CELF2: variants seen among roughly 807,000 people sequenced by gnomAD.
The protein encoded by CELF2 is CUG triplet repeat RNA-binding protein 2.
Under a neutral mutation model 62.6 loss-of-function variants are expected in CELF2, and 8 were observed. The ratio of observed to expected loss-of-function variants is 0.13; its 90% CI spans 0.07 to 0.23. The LOEUF is 0.23. Among genes scored for constraint, CELF2 ranks in the 10% least tolerant of loss-of-function variants. CELF2 has a pLI of 1.00. For synonymous variants in CELF2, 258 were observed against 250.0 expected (o/e 1.03, Z -0.30); for missense variants, 333 against 671.0 (o/e 0.50, Z 5.56).
At chr10:10,608,531 T>C in the CELF2 span, among the ~76,000 whole-genome samples, 210 of 152,340 alleles carry the variant, frequency 1.4e-3, 1 homozygote, top group African/African-American at 4.8e-3. Context: ...GGGAGCCAGA[T>C]TATTTTATCA....
intron 1 of CELF2, among the ~76,000 whole-genome samples, chr10:10,861,881 A>G (rs765249971): frequency 2.6e-5 from 4 of 152,220 alleles, no homozygotes; most frequent in Non-Finnish European, 5.9e-5. Flanking sequence ...TAACCATTAT[A>G]TAATTAGAAA....
chr10:11,129,787 GAGGTCT>G (rs1751174841), intron 1 of CELF2, among the ~76,000 whole-genome samples: 1 of 152,122 alleles, frequency 6.6e-6, no homozygotes, highest in African/African-American at 2.4e-5. Flanking sequence ...AGTCTTGCTA[GAGGTCT>G]ACCAATTTTG....
At chr10:10,833,974 A>G (rs2058076415) in intron 1 of CELF2, among the ~76,000 whole-genome samples, 1 of 152,226 alleles carries the variant, frequency 6.6e-6, no homozygotes, top group South Asian at 2.1e-4. Context: ...ATATACCCAA[A>G]AGAATATAAA....
At chr10:10,465,212 T>C in the CELF2 span, among the ~76,000 whole-genome samples, 1 of 152,188 alleles carries the variant, frequency 6.6e-6, no homozygotes, top group Non-Finnish European at 1.5e-5. Flanking sequence ...ATTATAAATG[T>C]TCACTGAGGA....
At position 10,931,143 on chromosome 10, in the gene CELF2, T is replaced by C. The variant is rs1592074667; in HGVS notation, c.89+11144T>C. Among the ~76,000 whole-genome samples the C allele has an allele frequency of 6.6e-6, 1 of 152,240 alleles. No homozygotes were observed. Among genetic ancestry groups the C allele is most frequent in the Non-Finnish European group, 1.5e-5 (1 of 68,048 alleles). Reference sequence around the variant, plus strand: ...TTAGGTTTTGTAAATGTTTCTATTATGTATTTTCCTTTTCCTTCTTTCTGG... The same window carrying C: ...TTAGGTTTTGTAAATGTTTCTATTACGTATTTTCCTTTTCCTTCTTTCTGG... On this transcript the variant is annotated intron_variant, in intron 2 of 13. Transcript: ENST00000636488. The surrounding 1 kb of genome is among the most constrained non-coding windows in gnomAD (Gnocchi z 6.1).
At chr10:10,888,686 T>C (rs2061932022) in intron 1 of CELF2, among the ~76,000 whole-genome samples, 1 of 152,180 alleles carries the variant, frequency 6.6e-6, no homozygotes. Context: ...CTCCATGCCT[T>C]CGCCTGATCT....
At chr10:10,900,289 T>C (rs1402855983) in intron 1 of CELF2, among the ~76,000 whole-genome samples, 2 of 152,142 alleles carry the variant, frequency 1.3e-5, no homozygotes, top group Admixed American at 6.5e-5. Flanking sequence ...AAACTAAAGA[T>C]CAGTATCCCT....
chr10:11,074,669 C>T (rs1407379487), intron 1 of CELF2, among the ~76,000 whole-genome samples: 1 of 152,148 alleles, frequency 6.6e-6, no homozygotes, highest in Non-Finnish European at 1.5e-5. Context: ...TGAGCAGAGA[C>T]AGTGTAGGTA....
intron 9 of CELF2, among the ~76,000 whole-genome samples, chr10:11,289,945 A>G (rs1232308661): frequency 6.6e-6 from 1 of 152,174 alleles, no homozygotes; most frequent in Non-Finnish European, 1.5e-5. Context: ...ATTAAAATGT[A>G]TTTTCTTAAG....
rs772454854 is a variant in CELF2, at chr10:11,227,383, C to T, written c.354+9876C>T. 1.1e-4 allele frequency among the ~76,000 whole-genome samples: 16 copies of T among 152,224 alleles called. No individual in the cohort carries two copies. The highest frequency in any genetic ancestry group is 2.2e-4 in the Non-Finnish European group (15 of 68,034). ...ACCAGGCAGCCCACGCCACAGATGG[C>T]ACAGCAGGATGAACACGGCCCCATG... On this transcript the variant is annotated intron_variant, in intron 3 of 12. Coordinates refer to ENST00000633077, the MANE Select transcript of CELF2 (RefSeq NM_001326342.2). The surrounding 1 kb of genome is among the most constrained non-coding windows in gnomAD (Gnocchi z 4.8).
chr10:10,577,603 T>A, the CELF2 span, among the ~76,000 whole-genome samples: 3 of 149,340 alleles, frequency 2.0e-5, no homozygotes, highest in South Asian at 2.2e-4. Flanking sequence ...AGTGAGAACA[T>A]GCGGTGTTTG....
At position 10,833,757 on chromosome 10, in the gene CELF2, A is replaced by G. The variant is rs567959460; in HGVS notation, c.53+34940A>G. Among the ~76,000 whole-genome samples, 3 of 152,326 alleles carry G rather than the reference A, an allele frequency of 2.0e-5. No individual in the cohort carries two copies. In the East Asian group the frequency reaches 5.8e-4, roughly 29 times the overall value. ...TAGAGAAATGCAAATCAAAATCACAATGAGATACCATCTCGCACCAGTCAG... is the reference window on the plus strand; with the variant it reads ...TAGAGAAATGCAAATCAAAATCACAGTGAGATACCATCTCGCACCAGTCAG... On this transcript the variant is annotated intron_variant, in intron 1 of 13. Coordinates refer to the CELF2 transcript ENST00000636488.
the CELF2 span, among the ~76,000 whole-genome samples, chr10:10,675,069 CT>C: frequency 6.6e-6 from 1 of 152,098 alleles, no homozygotes; most frequent in Non-Finnish European, 1.5e-5. Context: ...TTACCTTTTT[CT>C]TTTTTGATGT....
At chr10:11,131,927 TCATAG>T (rs2059689007) in intron 1 of CELF2, among the ~76,000 whole-genome samples, 1 of 152,228 alleles carries the variant, frequency 6.6e-6, no homozygotes, top group Admixed American at 6.5e-5. Flanking sequence ...TAGAGAAAAC[TCATAG>T]CAGTCTTGGA....
At position 11,075,378 on chromosome 10, in the gene CELF2, G is replaced by A. The variant is rs2071547555; in HGVS notation, c.74+57215G>A. 1 of 152,142 alleles carries A rather than the reference G, an allele frequency of 6.6e-6. No homozygotes were observed. Among genetic ancestry groups the A allele is most frequent in the Non-Finnish European group, 1.5e-5 (1 of 68,034 alleles). 9.4% of individuals were successfully genotyped at this position (152,142 alleles called of 1,614,324 possible). ...AAAAGGTTAATGTGAGAACTGCCCA[G>A]TAAAAAGATTATATTCTATTTTACA... is the stretch of plus-strand genomic sequence containing the variant. On this transcript the variant is annotated intron_variant, in intron 1 of 12. Transcript: ENST00000633077. The surrounding 1 kb of genome is among the most constrained non-coding windows in gnomAD (Gnocchi z 5.4).
In CELF2 at chr10:11,242,764, G is replaced by A. The variant is rs1248430000; in HGVS notation, c.355-6389G>A. On this transcript the variant is annotated intron_variant, in intron 3 of 12. Transcript: ENST00000633077. The surrounding 1 kb of genome is among the most constrained non-coding windows in gnomAD (Gnocchi z 4.8). Reference sequence around the variant, plus strand: ...GCCAGCCAGGGTGAGGACCAGGGTGGACCACTCAGCTCTGGGACCCTGTGT... The same window carrying A: ...GCCAGCCAGGGTGAGGACCAGGGTGAACCACTCAGCTCTGGGACCCTGTGT... Among the ~76,000 whole-genome samples, 1 of 152,174 alleles carries A rather than the reference G, an allele frequency of 6.6e-6. No individual in the cohort carries two copies. Among genetic ancestry groups the A allele is most frequent in the East Asian group, 1.9e-4 (1 of 5,194 alleles).
At position 11,314,371 on chromosome 10, in the gene CELF2, A is replaced by G; in HGVS notation, c.1096+113A>G. The G allele has an allele frequency of 7.0e-7, 1 of 1,419,188 alleles. No individual in the cohort carries two copies. The allele number at this position is 1,419,188 out of a possible 1,614,324, so 87.9% of individuals were successfully genotyped here. On this transcript the variant is annotated intron_variant, in intron 10 of 12. Transcript: ENST00000633077. This position sits in a 1 kb window ranked among gnomAD's most constrained non-coding sequence, Gnocchi z 5.3. ...AAAAGGATATGCCACGGGGAGAACT[A>G]AAACTTGGGATGGAGGAGCACATGC...
upstream of CELF2, among the ~76,000 whole-genome samples, chr10:11,017,568 G>GGGCTCTGGGAGCGCGGCTC (rs2057428458): frequency 6.6e-6 from 1 of 152,206 alleles, no homozygotes; most frequent in Non-Finnish European, 1.5e-5. The surrounding 1 kb of genome is among the most constrained non-coding windows in gnomAD (Gnocchi z 5.5). Flanking sequence ...TCCCGCGGCT[G>GGGCTCTGGGAGCGCGGCTC]GGCTCTGGGA....
Position 10,975,380 on chromosome 10 carries a change from C to A in CELF2, c.89+55381C>A, listed in dbSNP as rs561646197. The stretch of plus-strand genomic sequence containing the variant: ...TGATCCTCCTGCCTCAATCCTCCCA[C>A]CTAGGTCTCCCTCAAAGTGTTGAGA... On this transcript the variant is annotated intron_variant, in intron 2 of 13. Coordinates refer to the CELF2 transcript ENST00000636488. Among the ~76,000 whole-genome samples the A allele has an allele frequency of 2.0e-5, 3 of 152,330 alleles. No homozygotes were observed. The East Asian group carries it at 5.8e-4, about 29-fold the overall frequency.
Sources: gnomAD v4.1 joint callset for allele counts (sites outside exome capture counted in the v4.1 genomes callset) on GRCh38, gnomAD v4.1.1 for gene constraint, Gnocchi (gnomAD v3.1) non-coding constraint, MANE v1.5 for transcripts, NCBI Gene and HGNC (gene_info 2026-07-23, HGNC 2026-07-21) for gene names.